Variants in MTBP observed in about 807,000 individuals in gnomAD.
MTBP encodes mdm2-binding protein.
MTBP carries 101 observed loss-of-function variants against 117.0 expected under a neutral mutation model. The observed-to-expected ratio is 0.86, with a 90% CI of 0.73 to 1.02. MTBP has a LOEUF of 1.02. MTBP is among the 50% of genes least tolerant of loss of function. The pLI, the probability that MTBP is intolerant of heterozygous loss-of-function variation, is 0.00. For synonymous variants in MTBP, 350 were observed against 351.5 expected, an observed-to-expected ratio of 1.00 and a Z score of 0.05; for missense variants, 970 against 1,030.9, an observed-to-expected ratio of 0.94 and a Z score of 0.81.
intron 17 of MTBP, among the ~76,000 whole-genome samples, chr8:120,513,168 C>G (rs1814847762): frequency 6.6e-6 from 1 of 152,072 alleles, no homozygotes; most frequent in South Asian, 2.1e-4. Flanking sequence ...CTGTCATACT[C>G]TGACAATCAT....
intron 13 of MTBP, among the ~76,000 whole-genome samples, chr8:120,492,742 C>T (rs192262358): frequency 1.1e-4 from 17 of 151,968 alleles, no homozygotes; most frequent in African/African-American, 3.6e-4. Context: ...TAAAATAACA[C>T]GAAATAAAAT....
At chr8:120,518,137 A>G (rs1220478624) in intron 19 of MTBP, 37 bp downstream of exon 19, 2 of 1,529,940 alleles carry the variant, frequency 1.3e-6, no homozygotes, top group Non-Finnish European at 1.8e-6. Flanking sequence ...AGTTCTACAT[A>G]GGAAGACTTT....
chr8:120,468,393 T>C (rs1813745033), intron 10 of MTBP, among the ~76,000 whole-genome samples: 1 of 152,212 alleles, frequency 6.6e-6, no homozygotes, highest in Non-Finnish European at 1.5e-5. Flanking sequence ...AACACATTTT[T>C]GCCAATGATA....
At chr8:120,521,434 AGAAG>A (rs566354475) in intron 20 of MTBP, among the ~76,000 whole-genome samples, 64 of 152,320 alleles carry the variant, frequency 4.2e-4, no homozygotes, top group Non-Finnish European at 7.1e-4. Context: ...TCAAAGGAAG[AGAAG>A]GAAGGTTTTG....
At chr8:120,500,044 G>A (rs1444558877) in intron 14 of MTBP, among the ~76,000 whole-genome samples, 3 of 152,116 alleles carry the variant, frequency 2.0e-5, no homozygotes, top group Non-Finnish European at 4.4e-5. Flanking sequence ...AGTATGTAAG[G>A]TTATAATGGC....
At chr8:120,486,250 C>A (rs566898919) in intron 11 of MTBP, among the ~76,000 whole-genome samples, 21 of 152,024 alleles carry the variant, frequency 1.4e-4, no homozygotes, top group Non-Finnish European at 2.9e-4. Flanking sequence ...TTTTTGAGAC[C>A]ACCTTTAGGC....
chr8:120,456,055 C>T (rs1813461983), intron 6 of MTBP, among the ~76,000 whole-genome samples: 1 of 152,072 alleles, frequency 6.6e-6, no homozygotes, highest in African/African-American at 2.4e-5. Flanking sequence ...TTGAGCAATA[C>T]CTTTATGGCA....
In MTBP at chr8:120,496,451, G is replaced by A. The variant is rs1402043990; in HGVS notation, c.1448-942G>A. Among the ~76,000 whole-genome samples, 6 of 152,188 alleles carry A rather than the reference G, an allele frequency of 3.9e-5. No individual in the cohort carries two copies. In the East Asian group the frequency reaches 1.2e-3, roughly 29 times the overall value. On this transcript the variant is annotated intron_variant, in intron 13 of 21. Coordinates refer to ENST00000305949, the MANE Select transcript of MTBP (RefSeq NM_022045.5). ...ATCTGTCAAGCTTCACTATAGTATG[G>A]TGAAGTGACAATTCAACATTTTGTT...
Position 120,470,802 on chromosome 8 carries a change from A to G in MTBP, c.1048-18A>G, listed in dbSNP as rs1253184858. Reference sequence around the variant, plus strand: ...ATCTCAATGTGCAATCAATAAAAATATGGTCTGTTTTATTCAGGTTGGTGC... The same window carrying G: ...ATCTCAATGTGCAATCAATAAAAATGTGGTCTGTTTTATTCAGGTTGGTGC... On this transcript the variant is annotated intron_variant, in intron 10 of 21. Transcript: ENST00000305949. 13 of 1,499,780 alleles carry G rather than the reference A, an allele frequency of 8.7e-6. No homozygotes were observed. In the South Asian group the frequency reaches 1.4e-4, roughly 16 times the overall value. The allele number at this position is 1,499,780 out of a possible 1,614,324, so 92.9% of individuals were successfully genotyped here.
At position 120,505,817 on chromosome 8, in the gene MTBP, G is replaced by A. The variant is rs142489533; in HGVS notation, c.1728-889G>A. On this transcript the variant is annotated intron_variant, in intron 15 of 21. Coordinates refer to ENST00000305949, the MANE Select transcript of MTBP (RefSeq NM_022045.5). ...AAACTACAGTGCTTTTCACTTGCCG[G>A]TATTTAAAACTTTCTGTGAGTTTTT... is the stretch of plus-strand genomic sequence containing the variant. 4.1e-4 allele frequency among the ~76,000 whole-genome samples: 62 copies of A among 152,188 alleles called. No homozygotes were observed. The East Asian group carries it at 0.012, about 29-fold the overall frequency.
In MTBP at chr8:120,497,489, A is replaced by T; in HGVS notation, c.1544A>T (p.Asp515Val). Residue 515 changes from aspartate to valine, a missense_variant, in exon 14 of 22, where the codon GAT becomes GTT. Transcript: ENST00000305949. ...AGGAAACACTTTTTAGATTATTTTG[A>T]TGCTGTGATTCCTAAAATGATTCTA... ...LTRKHFLDYF[D>V]AVIPKMILRK... 1 of 1,590,910 alleles carries T rather than the reference A, an allele frequency of 6.3e-7. No homozygotes were observed.
rs1161348370 is a variant in MTBP at position 120,455,480 on chromosome 8, C to T, written c.530C>T (p.Pro177Leu). 6.2e-7 allele frequency: 1 copy of T among 1,608,200 alleles called. No individual in the cohort carries two copies. The highest frequency in any genetic ancestry group is 1.3e-5 in the African/African-American group (1 of 74,734). The change falls in exon 6 of 22, where the codon CCT (proline) becomes CTT (leucine). Residue 177 changes from proline (P) to leucine (L), a missense_variant. By Grantham distance (98) the Pro-to-Leu change is moderately conservative. Coordinates refer to ENST00000305949, the MANE Select transcript of MTBP (RefSeq NM_022045.5). ...ATACTGTTGCTTTCTGACAAAGATC[C>T]TCCTAAATTGAAAGACTATTTACCT... ...DIILLLSDKD[P>L]PKLKDYLPTV...
intron 7 of MTBP, among the ~76,000 whole-genome samples, chr8:120,458,616 G>C (rs1813518821): frequency 6.6e-6 from 1 of 152,016 alleles, no homozygotes; most frequent in South Asian, 2.1e-4. Context: ...GAGGCAGGTG[G>C]ATCACCCGAG....
At chr8:120,473,053 A>G (rs916195094) in intron 11 of MTBP, 1 of 152,162 alleles carries the variant, frequency 6.6e-6, no homozygotes, top group Admixed American at 6.5e-5. Context: ...CCCCTCATAT[A>G]AAATGGAGTA....
chr8:120,510,521 A>ATACCAT (rs1393984299), intron 17 of MTBP, among the ~76,000 whole-genome samples: 1 of 152,214 alleles, frequency 6.6e-6, no homozygotes, highest in African/African-American at 2.4e-5. Flanking sequence ...ATATTTATAT[A>ATACCAT]AAGCAATACT....
chr8:120,482,825 G>A (rs1317272651), intron 11 of MTBP, among the ~76,000 whole-genome samples: 3 of 151,356 alleles, frequency 2.0e-5, no homozygotes, highest in Non-Finnish European at 2.9e-5. Flanking sequence ...TCAGCCTCCC[G>A]AGTAGCTAAG....
chr8:120,518,632 A>C, intron 19 of MTBP, 72 bp from the exon 20 acceptor site: 2 of 964,780 alleles, frequency 2.1e-6, no homozygotes, highest in South Asian at 3.4e-5. Context: ...CACAGGATTG[A>C]ACTCTAAAGC....
At chr8:120,492,383 A>T (rs1433427143) in intron 13 of MTBP, among the ~76,000 whole-genome samples, 1 of 152,250 alleles carries the variant, frequency 6.6e-6, no homozygotes, top group Non-Finnish European at 1.5e-5. Context: ...GCATGTCTTA[A>T]GTGTCTACTT....
intron 2 of MTBP, 42 bp downstream of exon 2, chr8:120,446,555 T>A (rs565881803): frequency 8.6e-7 from 1 of 1,166,370 alleles, no homozygotes; most frequent in South Asian, 1.2e-5. Flanking sequence ...ACAGCATTTG[T>A]ACTGGAAATT....
Sources: allele counts gnomAD v4.1 joint callset (sites outside exome capture counted in the v4.1 genomes callset), GRCh38; gene constraint gnomAD v4.1.1; transcripts MANE v1.5; gene names NCBI Gene and HGNC (gene_info 2026-07-23, HGNC 2026-07-21).